The following ASIC2 variants were observed in gnomAD, a reference collection of about 807,000 sequenced individuals.
ASIC2 encodes the protein acid-sensing ion channel 2.
ASIC2 carries 25 observed loss-of-function variants against 57.3 expected under a neutral mutation model. The ratio of observed to expected loss-of-function variants is 0.44; its 90% CI spans 0.32 to 0.61. ASIC2 has a LOEUF of 0.61. Ranked by LOEUF, ASIC2 falls within the 20% of genes least tolerant of loss-of-function variation. The pLI, the probability that ASIC2 is intolerant of heterozygous loss-of-function variation, is 0.06. For missense variants in ASIC2, 641 were observed against 738.1 expected, an observed-to-expected ratio of 0.87 and a Z score of 1.52; for synonymous variants, 319 against 307.5, an observed-to-expected ratio of 1.04 and a Z score of -0.39.
At chr17:33,978,945 G>A (rs544726025) in intron 1 of ASIC2, among the ~76,000 whole-genome samples, 2 of 152,292 alleles carry the variant, frequency 1.3e-5, no homozygotes, top group Non-Finnish European at 2.9e-5. Flanking sequence ...AGGGCTGAGT[G>A]TAAGTACAGA....
intron 1 of ASIC2, among the ~76,000 whole-genome samples, chr17:33,584,922 A>AT: frequency 6.6e-6 from 1 of 152,072 alleles, no homozygotes; most frequent in Non-Finnish European, 1.5e-5. Flanking sequence ...GATTGATGGG[A>AT]TGATGGGGGA....
At chr17:33,186,686 G>T (rs1216423523) in intron 1 of ASIC2, among the ~76,000 whole-genome samples, 3 of 152,086 alleles carry the variant, frequency 2.0e-5, no homozygotes, top group Non-Finnish European at 4.4e-5. Context: ...AAGATGAGGG[G>T]CATAGTGGCT....
At chr17:33,715,313 T>G (rs975259047) in intron 1 of ASIC2, among the ~76,000 whole-genome samples, 2 of 152,154 alleles carry the variant, frequency 1.3e-5, no homozygotes, top group African/African-American at 4.8e-5. Context: ...ATTTTTAAAC[T>G]TTTAAAAATA....
At chr17:34,074,039 C>A (rs7212760) in intron 1 of ASIC2, among the ~76,000 whole-genome samples, 24,871 of 152,218 alleles carry the variant, frequency 0.16, 2,751 homozygotes, top group African/African-American at 0.3. Flanking sequence ...GTCTAAGACA[C>A]TGGCTCTTAG....
At chr17:33,514,310 T>C (rs886466867) in intron 1 of ASIC2, among the ~76,000 whole-genome samples, 24 of 152,126 alleles carry the variant, frequency 1.6e-4, no homozygotes, top group Admixed American at 1.2e-3. Flanking sequence ...TGAAATGAAA[T>C]GCACCACTGA....
At chr17:33,132,186 C>T (rs952386203) in intron 1 of ASIC2, among the ~76,000 whole-genome samples, 9 of 152,288 alleles carry the variant, frequency 5.9e-5, no homozygotes, top group Admixed American at 4.6e-4. Flanking sequence ...TTTTGGCACA[C>T]ATACTATGTG....
intron 1 of ASIC2, among the ~76,000 whole-genome samples, chr17:33,576,239 C>G (rs183463905): frequency 7.9e-5 from 12 of 152,138 alleles, no homozygotes; most frequent in African/African-American, 2.4e-4. Context: ...ACTTGTGCCT[C>G]TGTGTGTGTG....
chr17:33,739,005 C>T (rs1229467700), intron 1 of ASIC2, among the ~76,000 whole-genome samples: 1 of 152,116 alleles, frequency 6.6e-6, no homozygotes, highest in African/African-American at 2.4e-5. Flanking sequence ...CCTGGTTTGC[C>T]CATGTTTAAG....
intron 1 of ASIC2, among the ~76,000 whole-genome samples, chr17:33,163,559 CAA>C (rs2142041482): frequency 6.6e-6 from 1 of 152,188 alleles, no homozygotes; most frequent in African/African-American, 2.4e-5. Context: ...CATACGATGC[CAA>C]GTGATTTCCA....
chr17:33,291,303 A>T (rs1905427689), intron 1 of ASIC2, 105 bp downstream of exon 1: 7 of 1,450,586 alleles, frequency 4.8e-6, no homozygotes, highest in Non-Finnish European at 6.3e-6. Context: ...GAGTGGTAAC[A>T]CTGCAAGAGG....
intron 1 of ASIC2, among the ~76,000 whole-genome samples, chr17:33,279,110 T>C (rs1904834060): frequency 6.6e-6 from 1 of 152,238 alleles, no homozygotes; most frequent in Admixed American, 6.5e-5. Context: ...ATTTTTCTTT[T>C]GTCTTATGCG....
intron 1 of ASIC2, among the ~76,000 whole-genome samples, chr17:33,424,479 G>A (rs773286645): frequency 3.3e-5 from 5 of 152,204 alleles, no homozygotes; most frequent in Admixed American, 6.5e-5. Flanking sequence ...AAGAAAAAGT[G>A]TAATTAGTCT....
intron 2 of ASIC2, among the ~76,000 whole-genome samples, chr17:33,106,615 G>A (rs1161436980): frequency 6.6e-6 from 1 of 152,168 alleles, no homozygotes; most frequent in African/African-American, 2.4e-5. Context: ...TCTTGGGAGT[G>A]CCTTCTGCAA....
At chr17:33,819,733 C>T (rs1278468157) in intron 1 of ASIC2, among the ~76,000 whole-genome samples, 1 of 152,192 alleles carries the variant, frequency 6.6e-6, no homozygotes, top group Non-Finnish European at 1.5e-5. Context: ...GAATCTGGGA[C>T]CTGCCACTTA....
intron 1 of ASIC2, among the ~76,000 whole-genome samples, chr17:33,549,224 C>G (rs768324566): frequency 3.3e-5 from 5 of 152,056 alleles, no homozygotes; most frequent in Non-Finnish European, 7.4e-5. Context: ...GTCCTTTTAG[C>G]GCGAACACTT....
intron 1 of ASIC2, among the ~76,000 whole-genome samples, chr17:34,065,951 C>T (rs759373891): frequency 2.0e-5 from 3 of 152,190 alleles, no homozygotes; most frequent in Non-Finnish European, 2.9e-5. Flanking sequence ...TCCACCAACA[C>T]TCTCGAGATA....
At chr17:33,109,849 A>G (rs1307933463) in intron 2 of ASIC2, among the ~76,000 whole-genome samples, 1 of 152,170 alleles carries the variant, frequency 6.6e-6, no homozygotes, top group Non-Finnish European at 1.5e-5. Context: ...CTCAGGGGAA[A>G]GAGAAGGTTG....
At chr17:33,305,036 C>T (rs192724754) in intron 1 of ASIC2, among the ~76,000 whole-genome samples, 1 of 152,188 alleles carries the variant, frequency 6.6e-6, no homozygotes, top group African/African-American at 2.4e-5. Context: ...GAAAAATACC[C>T]TTTGAGGAAT....
intron 1 of ASIC2, among the ~76,000 whole-genome samples, chr17:33,575,764 G>C (rs1916598798): frequency 6.6e-6 from 1 of 152,116 alleles, no homozygotes; most frequent in Admixed American, 6.5e-5. Flanking sequence ...TCTGGACTCG[G>C]TAGGTTTCAT....
Sources: allele counts gnomAD v4.1 joint callset (sites outside exome capture counted in the v4.1 genomes callset), GRCh38; gene constraint gnomAD v4.1.1; transcripts MANE v1.5; gene names NCBI Gene and HGNC (gene_info 2026-07-23, HGNC 2026-07-21).